Variants in CDH4 observed in about 807,000 individuals in gnomAD.
The protein encoded by CDH4 is cadherin-4.
CDH4 carries 33 observed loss-of-function variants against 86.0 expected under a neutral mutation model. That is an observed-to-expected ratio of 0.38 (90% CI 0.29 to 0.51). The LOEUF (loss-of-function observed/expected upper bound fraction) is 0.51. CDH4 is among the 20% of genes least tolerant of loss of function. The pLI, the probability that CDH4 is intolerant of heterozygous loss-of-function variation, is 0.86. For missense variants in CDH4, 1,114 were observed against 1,307.4 expected (o/e 0.85, Z 2.28); for synonymous variants, 555 against 549.4 (o/e 1.01, Z -0.14).
chr20:61,361,677 C>G (rs918392428), intron 2 of CDH4, among the ~76,000 whole-genome samples: 5 of 152,214 alleles, frequency 3.3e-5, no homozygotes. Flanking sequence ...GGACCCAACC[C>G]AAGCTCAGGG....
At chr20:61,727,121 TCATCATCACCATCAGAGC>T (rs1164300431) in intron 2 of CDH4, among the ~76,000 whole-genome samples, 10 of 149,758 alleles carry the variant, frequency 6.7e-5, no homozygotes, top group Non-Finnish European at 1.3e-4. Flanking sequence ...ATCGTTGCCA[TCATCATCACCATCAGAGC>T]CATCATCACC....
At chr20:61,332,820 C>T (rs1434223181) in intron 2 of CDH4, among the ~76,000 whole-genome samples, 2 of 152,230 alleles carry the variant, frequency 1.3e-5, no homozygotes, top group Non-Finnish European at 1.5e-5. Context: ...TTCCTCTGGC[C>T]TCACCCTGTG....
intron 2 of CDH4, among the ~76,000 whole-genome samples, chr20:61,558,584 C>A (rs1023043246): frequency 1.1e-4 from 16 of 152,316 alleles, no homozygotes; most frequent in African/African-American, 3.6e-4. Context: ...GCAGGAGATG[C>A]TCAGGAAATG....
At chr20:61,787,730 T>C (rs893052074) in intron 4 of CDH4, among the ~76,000 whole-genome samples, 1 of 152,210 alleles carries the variant, frequency 6.6e-6, no homozygotes, top group African/African-American at 2.4e-5. Flanking sequence ...GAAGTTTGAT[T>C]TCAGATAAGG....
intron 2 of CDH4, among the ~76,000 whole-genome samples, chr20:61,372,303 G>A (rs1275061549): frequency 3.9e-5 from 6 of 152,330 alleles, no homozygotes; most frequent in Middle Eastern, 3.4e-3. Flanking sequence ...AGAGGCAGCC[G>A]CAATGGGACC....
chr20:61,781,340 A>G (rs1298233925), intron 4 of CDH4, among the ~76,000 whole-genome samples: 2 of 152,252 alleles, frequency 1.3e-5, no homozygotes, highest in African/African-American at 4.8e-5. Context: ...TGGAACTAGC[A>G]GCAAGGCCTT....
chr20:61,757,118 T>C (rs2088574400), intron 3 of CDH4, among the ~76,000 whole-genome samples: 1 of 152,196 alleles, frequency 6.6e-6, no homozygotes, highest in Non-Finnish European at 1.5e-5. Flanking sequence ...CTCCTGCAAG[T>C]TCAGACACCG....
intron 2 of CDH4, among the ~76,000 whole-genome samples, chr20:61,667,065 T>A (rs2087333898): frequency 6.6e-6 from 1 of 152,242 alleles, no homozygotes; most frequent in African/African-American, 2.4e-5. Context: ...GACGCCACCA[T>A]CTCATAAGCT....
chr20:61,655,483 G>A (rs894118693), intron 2 of CDH4, among the ~76,000 whole-genome samples: 14 of 152,228 alleles, frequency 9.2e-5, no homozygotes, highest in Admixed American at 7.2e-4. Flanking sequence ...AGGCATGGCT[G>A]TCCCAGGACA....
chr20:61,803,670 C>T (rs956960312), intron 4 of CDH4, among the ~76,000 whole-genome samples: 7 of 152,182 alleles, frequency 4.6e-5, no homozygotes, highest in African/African-American at 1.4e-4. Context: ...GATAAGGGGG[C>T]GCCCAGAGCT....
intron 2 of CDH4, among the ~76,000 whole-genome samples, chr20:61,419,500 G>A (rs2085165463): frequency 1.3e-5 from 2 of 152,172 alleles, no homozygotes; most frequent in Non-Finnish European, 2.9e-5. Context: ...ACATCCTGGG[G>A]TAGCTTTCCA....
chr20:61,658,785 A>C (rs1212376536), intron 2 of CDH4, among the ~76,000 whole-genome samples: 1 of 152,180 alleles, frequency 6.6e-6, no homozygotes, highest in African/African-American at 2.4e-5. Flanking sequence ...CCCAGGCAGC[A>C]ACACCCACAG....
intron 4 of CDH4, among the ~76,000 whole-genome samples, chr20:61,785,256 A>G (rs1978814837): frequency 6.6e-6 from 1 of 151,908 alleles, no homozygotes; most frequent in Non-Finnish European, 1.5e-5. Context: ...GCATTTCCTC[A>G]TGGGGAGGGT....
intron 2 of CDH4, among the ~76,000 whole-genome samples, chr20:61,498,221 G>T (rs2085676609): frequency 6.6e-6 from 1 of 151,910 alleles, no homozygotes; most frequent in African/African-American, 2.4e-5. Context: ...AAAAAAAAAG[G>T]CCACAGCTTG....
At chr20:61,730,770 G>A (rs2088169673) in intron 2 of CDH4, among the ~76,000 whole-genome samples, 2 of 152,234 alleles carry the variant, frequency 1.3e-5, no homozygotes, top group Non-Finnish European at 2.9e-5. Flanking sequence ...CTGCAGGAGG[G>A]ACAGGAGCAG....
intron 2 of CDH4, among the ~76,000 whole-genome samples, chr20:61,344,176 C>T (rs963949133): frequency 4.6e-5 from 7 of 152,026 alleles, no homozygotes; most frequent in African/African-American, 9.7e-5. Flanking sequence ...CCTCGAAGGG[C>T]GAGTGGAATG....
In CDH4 at chr20:61,515,551, C is replaced by A. The variant is rs563601748; in HGVS notation, c.170-228012C>A. Among the ~76,000 whole-genome samples, 6 of 152,278 alleles carry A rather than the reference C, an allele frequency of 3.9e-5. No homozygotes were observed. In the South Asian group the frequency reaches 1.2e-3, roughly 32 times the overall value. Reference sequence around the variant, plus strand: ...GCCTGTTGGGAGTCGGTTGTCCCTCCCTCCCTTCCTTCCCTCCCAGGTGGC... The same window carrying A: ...GCCTGTTGGGAGTCGGTTGTCCCTCACTCCCTTCCTTCCCTCCCAGGTGGC... On this transcript the variant is annotated intron_variant, in intron 2 of 15. Transcript: ENST00000614565.
intron 2 of CDH4, among the ~76,000 whole-genome samples, chr20:61,682,043 C>T (rs963855079): frequency 3.9e-5 from 6 of 152,212 alleles, no homozygotes; most frequent in African/African-American, 1.4e-4. Flanking sequence ...TCCTGCTAAG[C>T]GTCTGCCTCC....
chr20:61,895,139 T>C, intron 8 of CDH4, 92 bp downstream of exon 8: 2 of 1,460,730 alleles, frequency 1.4e-6, no homozygotes, highest in Non-Finnish European at 1.9e-6. Flanking sequence ...TCTGCGGCTC[T>C]GCCTGACGGG....
Sources: allele counts gnomAD v4.1 joint callset (sites outside exome capture counted in the v4.1 genomes callset), GRCh38; gene constraint gnomAD v4.1.1; transcripts MANE v1.5; gene names NCBI Gene and HGNC (gene_info 2026-07-23, HGNC 2026-07-21).